CLSTN2: variants seen among roughly 807,000 people sequenced by gnomAD.
CLSTN2 encodes calsyntenin-2.
CLSTN2 carries 48 observed loss-of-function variants against 101.2 expected under a neutral mutation model. That is an observed-to-expected ratio of 0.47 (90% CI 0.38 to 0.60). The LOEUF (loss-of-function observed/expected upper bound fraction) is 0.60, where lower values mean the gene tolerates loss of function less well. Ranked by LOEUF, CLSTN2 falls within the 20% of genes least tolerant of loss-of-function variation. CLSTN2 has a pLI of 0.00. For synonymous variants in CLSTN2, 481 were observed against 463.6 expected (o/e 1.04, Z -0.48); for missense variants, 1,160 against 1,238.2 (o/e 0.94, Z 0.95).
At chr3:140,263,551 G>A (rs1393863593) in intron 2 of CLSTN2, among the ~76,000 whole-genome samples, 1 of 152,162 alleles carries the variant, frequency 6.6e-6, no homozygotes, top group African/African-American at 2.4e-5. Flanking sequence ...AAAACAGGGA[G>A]CCTAATTACC....
At chr3:140,117,617 A>G (rs946441401) in intron 1 of CLSTN2, among the ~76,000 whole-genome samples, 1 of 152,098 alleles carries the variant, frequency 6.6e-6, no homozygotes, top group Non-Finnish European at 1.5e-5. Flanking sequence ...AACAATACTT[A>G]CTGTTGTCTG....
At chr3:139,969,806 C>T (rs1935663468) in intron 1 of CLSTN2, among the ~76,000 whole-genome samples, 1 of 152,176 alleles carries the variant, frequency 6.6e-6, no homozygotes, top group Admixed American at 6.5e-5. Context: ...CCACTGGCTC[C>T]AAATTCGGGG....
At chr3:140,444,409 G>A (rs1456828440) in intron 5 of CLSTN2, among the ~76,000 whole-genome samples, 1 of 146,574 alleles carries the variant, frequency 6.8e-6, no homozygotes, top group Non-Finnish European at 1.5e-5. Context: ...CAGCCTGGGT[G>A]ACAAGAGCAA....
intron 2 of CLSTN2, among the ~76,000 whole-genome samples, chr3:140,232,626 C>T (rs769897401): frequency 1.3e-4 from 20 of 152,154 alleles, no homozygotes; most frequent in Non-Finnish European, 2.5e-4. Context: ...AGCATGTTTA[C>T]TGGCCTCTTC....
chr3:140,264,434 A>T (rs1297622539), intron 2 of CLSTN2, among the ~76,000 whole-genome samples: 1 of 141,398 alleles, frequency 7.1e-6, no homozygotes, highest in Non-Finnish European at 1.5e-5. Context: ...ATATAAAATT[A>T]GGCATCTTTA....
At chr3:139,953,347 C>T (rs2107811214) in intron 1 of CLSTN2, among the ~76,000 whole-genome samples, 1 of 152,270 alleles carries the variant, frequency 6.6e-6, no homozygotes, top group East Asian at 1.9e-4. Flanking sequence ...ACACCACACC[C>T]CTGTGACACG....
chr3:140,031,085 G>T (rs1334812820), intron 1 of CLSTN2, among the ~76,000 whole-genome samples: 1 of 152,196 alleles, frequency 6.6e-6, no homozygotes, highest in Non-Finnish European at 1.5e-5. Context: ...TTCTGCTAAA[G>T]ACATCAACAT....
At chr3:140,538,827 T>G (rs1052250867) in intron 9 of CLSTN2, among the ~76,000 whole-genome samples, 1 of 152,172 alleles carries the variant, frequency 6.6e-6, no homozygotes, top group Non-Finnish European at 1.5e-5. Context: ...CAGGATACCC[T>G]TTCACAAAAA....
intron 1 of CLSTN2, among the ~76,000 whole-genome samples, chr3:139,997,140 A>G (rs2006685447): frequency 6.6e-6 from 1 of 151,688 alleles, no homozygotes; most frequent in African/African-American, 2.4e-5. Flanking sequence ...AATAGTTTTC[A>G]TAGGTGCTGT....
chr3:140,256,598 C>T (rs1184412968), intron 2 of CLSTN2, among the ~76,000 whole-genome samples: 1 of 152,160 alleles, frequency 6.6e-6, no homozygotes, highest in East Asian at 1.9e-4. Flanking sequence ...TTGATATTTC[C>T]ATTCTCTGTC....
At chr3:140,473,707 A>C (rs1386076709) in intron 8 of CLSTN2, among the ~76,000 whole-genome samples, 1 of 151,782 alleles carries the variant, frequency 6.6e-6, no homozygotes, top group Non-Finnish European at 1.5e-5. Context: ...TCTGACCTCC[A>C]AAACTATAAG....
At chr3:140,146,425 G>C (rs1218823657) in intron 1 of CLSTN2, among the ~76,000 whole-genome samples, 1 of 152,182 alleles carries the variant, frequency 6.6e-6, no homozygotes, top group Non-Finnish European at 1.5e-5. Flanking sequence ...CTCAGACAAA[G>C]CAAAAGAGAG....
At chr3:140,293,400 C>T (rs35351723) in intron 2 of CLSTN2, among the ~76,000 whole-genome samples, 334 of 152,260 alleles carry the variant, frequency 2.2e-3, no homozygotes, top group Non-Finnish European at 3.8e-3. Context: ...AGAGCTCCTC[C>T]CCTTCCTCAT....
rs907181254 is a variant in CLSTN2, at chr3:140,034,683, CG to C, written c.109+99204del. Among the ~76,000 whole-genome samples the C allele has an allele frequency of 1.5e-3, 234 of 152,244 alleles. 1 individual carries two copies. Among genetic ancestry groups the C allele is most frequent in the African/African-American group, 5.3e-3 (219 of 41,544 alleles). Reference sequence around the variant, plus strand: ...CTGGGAGAGTGAGAAGCAGGGAGGGCGGGGAGGAGAAATTATTTGAAGTTTG... The same window carrying C: ...CTGGGAGAGTGAGAAGCAGGGAGGGCGGGAGGAGAAATTATTTGAAGTTTG... On this transcript the variant is annotated intron_variant, in intron 1 of 16. Coordinates refer to ENST00000458420, the MANE Select transcript of CLSTN2 (RefSeq NM_022131.3).
intron 1 of CLSTN2, among the ~76,000 whole-genome samples, chr3:139,936,002 C>T (rs1017467095): frequency 2.0e-5 from 3 of 151,874 alleles, no homozygotes; most frequent in African/African-American, 4.8e-5. Context: ...TCTCTGACTC[C>T]CCGGGGAACG....
At chr3:140,184,378 C>A (rs148089174) in intron 2 of CLSTN2, among the ~76,000 whole-genome samples, 1 of 152,080 alleles carries the variant, frequency 6.6e-6, no homozygotes, top group Non-Finnish European at 1.5e-5. Context: ...AAACTCATGG[C>A]AGAAGGGGAA....
At chr3:140,509,026 T>C (rs1934743566) in intron 8 of CLSTN2, among the ~76,000 whole-genome samples, 1 of 151,688 alleles carries the variant, frequency 6.6e-6, no homozygotes, top group African/African-American at 2.4e-5. Flanking sequence ...GTAGGAAGAA[T>C]GGTGGGGCAA....
intron 1 of CLSTN2, among the ~76,000 whole-genome samples, chr3:140,106,967 A>G (rs1212349128): frequency 6.6e-6 from 1 of 152,216 alleles, no homozygotes; most frequent in Non-Finnish European, 1.5e-5. Flanking sequence ...ATAAGTGATC[A>G]TTTAATTAGT....
chr3:140,249,827 G>A (rs892424234), intron 2 of CLSTN2, among the ~76,000 whole-genome samples: 1 of 152,164 alleles, frequency 6.6e-6, no homozygotes, highest in Non-Finnish European at 1.5e-5. Context: ...CAGGAGGTTA[G>A]AGATGTCAAG....
Sources: gnomAD v4.1 joint callset for allele counts (sites outside exome capture counted in the v4.1 genomes callset) on GRCh38, gnomAD v4.1.1 for gene constraint, MANE v1.5 for transcripts, NCBI Gene and HGNC (gene_info 2026-07-23, HGNC 2026-07-21) for gene names.